Variants in ABCA12 observed in about 807,000 individuals in gnomAD.
ABCA12 encodes glucosylceramide transporter ABCA12.
A neutral mutation model predicts 293.5 loss-of-function variants in ABCA12; 156 were observed. That is an observed-to-expected ratio of 0.53 (90% confidence interval 0.47 to 0.61). ABCA12 has a LOEUF of 0.61. Ranked by LOEUF, ABCA12 falls within the 20% of genes least tolerant of loss-of-function variation. The probability of loss-of-function intolerance (pLI) is 0.00; values close to 1 mark genes in which losing one functional copy is unlikely to be tolerated. For missense variants in ABCA12, 2,797 were observed against 3,090.2 expected (o/e 0.91, Z 2.25); for synonymous variants, 1,063 against 1,108.0 (o/e 0.96, Z 0.81).
rs1698096084 is a variant in ABCA12 at position 214,932,676 on chromosome 2, G to A, written c.7746C>T (p.Ser2582=). The stretch of plus-strand genomic sequence containing the variant: ...CATCTTGTGAGTCAACACTTATAGT[G>A]GAACCTTGGCTGCTGGTATCAGCAG... The part of the protein sequence containing the change: ...YETADTSSQG[S]TISVDSQDDQ... The change falls in exon 53 of 53, where the codon TCC becomes TCT. Residue 2582 remains serine (S), a synonymous_variant. Transcript: ENST00000272895. 6.2e-7 allele frequency: 1 copy of A among 1,613,604 alleles called. No homozygotes were observed. Among genetic ancestry groups the A allele is most frequent in the Non-Finnish European group, 8.5e-7 (1 of 1,179,746 alleles).
intron 9 of ABCA12, among the ~76,000 whole-genome samples, chr2:215,031,294 T>G (rs1360201304): frequency 6.6e-6 from 1 of 152,208 alleles, no homozygotes; most frequent in African/African-American, 2.4e-5. Context: ...ATATTTTTAT[T>G]CTCTGGAAAC....
chr2:214,956,782 T>C lies in ABCA12; in HGVS notation c.6118-4A>G, dbSNP rs1418946889. The C allele has an allele frequency of 2.5e-6, 4 of 1,596,754 alleles. No individual in the cohort carries two copies. The highest frequency in any genetic ancestry group is 2.2e-5 in the East Asian group (1 of 44,706). On this transcript the variant is annotated splice_polypyrimidine_tract_variant and splice_region_variant and intron_variant, in intron 41 of 52. Transcript: ENST00000272895. ...CTACAGGCACCAAGTAGAAAACCTA[T>C]GGAAATATTCAAAACAATGTTTAAT...
chr2:215,111,609 CA>C lies in ABCA12; in HGVS notation c.150del (p.Ala51GlnfsTer59). ...GTCATTTACTTACAAGTTGGTTTTG[CA>C]GTTGGAGGAAATTTGGTCCGAGTAA... ...LAITRTKFPP[T>X]AKPTCYLAPR... On this transcript the variant is annotated frameshift_variant, in exon 2 of 53. Coordinates refer to ENST00000272895, the MANE Select transcript of ABCA12 (RefSeq NM_173076.3). LOFTEE classifies it high-confidence loss of function. 6.2e-7 allele frequency: 1 copy of C among 1,610,424 alleles called. No individual in the cohort carries two copies.
Position 214,955,129 on chromosome 2 carries a change from T to C in ABCA12, c.6393+73A>G, listed in dbSNP as rs6760738. The C allele has an allele frequency of 0.096, 146,210 of 1,528,342 alleles. 11,921 individuals carry two copies. The highest frequency in any genetic ancestry group is 0.43 in the African/African-American group (31,193 of 72,434). 94.7% of individuals were successfully genotyped at this position (1,528,342 alleles called of 1,614,324 possible). On this transcript the variant is annotated intron_variant, in intron 43 of 52. Transcript: ENST00000272895. ...TCAAATGATATTCTTCTTTTTTATG[T>C]AGAATAAATAAAATCTTTCCACCTG...
At chr2:214,961,621 G>A (rs889398449) in intron 39 of ABCA12, among the ~76,000 whole-genome samples, 1 of 152,080 alleles carries the variant, frequency 6.6e-6, no homozygotes, top group Admixed American at 6.6e-5. Context: ...AACAATAAAT[G>A]TCTTTTGCTC....
chr2:215,085,088 CAAAAAAAAA>C (rs34532043), intron 2 of ABCA12, among the ~76,000 whole-genome samples: 1 of 95,798 alleles, frequency 1.0e-5, no homozygotes, highest in Non-Finnish European at 2.1e-5. Context: ...ACCCTGTCTC[CAAAAAAAAA>C]AAAAAAAAAC....
In ABCA12 at chr2:215,064,025, A is replaced by C. The variant is rs749134581; in HGVS notation, c.317+41T>G. 15 of 1,611,752 alleles carry C rather than the reference A, an allele frequency of 9.3e-6. 1 individual carries two copies. The South Asian group carries it at 1.6e-4, about 18-fold the overall frequency. On this transcript the variant is annotated intron_variant, in intron 3 of 52. Coordinates refer to ENST00000272895, the MANE Select transcript of ABCA12 (RefSeq NM_173076.3). ...CTATCTCAGAAGGAAACAAGATTTG[A>C]TCTCTCAGAACAATTGAACACACTT...
intron 31 of ABCA12, 131 bp from the exon 32 acceptor site, chr2:214,979,171 C>T: frequency 2.5e-6 from 2 of 810,514 alleles, no homozygotes; most frequent in Non-Finnish European, 4.2e-6. Context: ...AACATCACTG[C>T]TCTAGAGACC....
chr2:215,120,474 G>T (rs1702783297), intron 1 of ABCA12, among the ~76,000 whole-genome samples: 2 of 152,132 alleles, frequency 1.3e-5, no homozygotes, highest in Admixed American at 6.6e-5. Flanking sequence ...GATAAAGAAA[G>T]CTGAGTCTAA....
rs1422419093 is a variant in ABCA12, at chr2:215,049,813, T to G, written c.508-2A>C. The G allele has an allele frequency of 6.2e-7, 1 of 1,609,630 alleles. No homozygotes were observed. Among genetic ancestry groups the G allele is most frequent in the Non-Finnish European group, 8.5e-7 (1 of 1,177,272 alleles). ...TGAAGTTGAATTTTGCTTTAACAGCTAAAAGCATGTGTGAAAAGAGTAAAA... is the reference window on the plus strand; with the variant it reads ...TGAAGTTGAATTTTGCTTTAACAGCGAAAAGCATGTGTGAAAAGAGTAAAA... On this transcript the variant is annotated splice_acceptor_variant, in intron 5 of 52. Transcript: ENST00000272895. LOFTEE classifies it high-confidence loss of function.
chr2:214,995,149 G>A (rs1040939925), intron 23 of ABCA12, among the ~76,000 whole-genome samples: 1 of 152,080 alleles, frequency 6.6e-6, no homozygotes, highest in Admixed American at 6.5e-5. Context: ...ATTTAACAAG[G>A]GAAAGGGATT....
At chr2:214,952,440 C>T (rs772073340) in intron 44 of ABCA12, among the ~76,000 whole-genome samples, 7 of 152,060 alleles carry the variant, frequency 4.6e-5, no homozygotes, top group African/African-American at 1.2e-4. Context: ...AGGCTGGTCT[C>T]GAACTCCTGA....
intron 1 of ABCA12, among the ~76,000 whole-genome samples, chr2:215,121,091 C>T (rs1048060236): frequency 2.6e-5 from 4 of 152,150 alleles, no homozygotes; most frequent in African/African-American, 9.7e-5. Context: ...TCACTTTTAA[C>T]ATAATAACCT....
intron 1 of ABCA12, among the ~76,000 whole-genome samples, chr2:215,131,573 T>C (rs1397669428): frequency 6.6e-6 from 1 of 151,936 alleles, no homozygotes; most frequent in Admixed American, 6.6e-5. Flanking sequence ...CTGGTAACAG[T>C]TGTGATGTCA....
chr2:215,054,771 TAATA>T (rs1701388043), intron 3 of ABCA12, 107 bp from the exon 4 acceptor site: 1 of 817,766 alleles, frequency 1.2e-6, no homozygotes, highest in South Asian at 1.4e-5. Flanking sequence ...TTCAAATATT[TAATA>T]TAGTTTCCAG....
chr2:214,970,197 A>G, intron 37 of ABCA12, 76 bp downstream of exon 37: 3 of 1,392,738 alleles, frequency 2.2e-6, no homozygotes, highest in Non-Finnish European at 2.9e-6. Context: ...AGAAATTTGT[A>G]TCTATTGTCT....
At chr2:215,019,875 C>A (rs539327864) in intron 11 of ABCA12, 79 bp from the exon 12 acceptor site, 77 of 1,530,054 alleles carry the variant, frequency 5.0e-5, no homozygotes, top group Non-Finnish European at 5.0e-5. Context: ...TAAGCAACCA[C>A]AATTGATTTC....
At chr2:215,000,676 T>A (rs1054292127) in intron 22 of ABCA12, 29 bp downstream of exon 22, 2 of 1,612,624 alleles carry the variant, frequency 1.2e-6, no homozygotes, top group African/African-American at 2.7e-5. Flanking sequence ...TTGTTGATCA[T>A]TAAAAAGGCT....
Position 215,001,539 on chromosome 2 carries a change from C to A in ABCA12, c.2863+19G>T. 6.2e-7 allele frequency: 1 copy of A among 1,613,346 alleles called. No homozygotes were observed. Among genetic ancestry groups the A allele is most frequent in the African/African-American group, 1.3e-5 (1 of 75,010 alleles). ...TTTAGCACAAAGAGATGCTCAAACCCTAATAGAACAGCACTTACTTCCAAA... is the reference window on the plus strand; with the variant it reads ...TTTAGCACAAAGAGATGCTCAAACCATAATAGAACAGCACTTACTTCCAAA... On this transcript the variant is annotated intron_variant, in intron 21 of 52. Coordinates refer to ENST00000272895, the MANE Select transcript of ABCA12 (RefSeq NM_173076.3).
Sources: allele counts gnomAD v4.1 joint callset (sites outside exome capture counted in the v4.1 genomes callset), GRCh38; gene constraint gnomAD v4.1.1; transcripts MANE v1.5; gene names NCBI Gene and HGNC (gene_info 2026-07-23, HGNC 2026-07-21).